OTUD4: variants seen among roughly 807,000 people sequenced by gnomAD.
OTUD4 encodes OTU deubiquitinase 4.
In OTUD4, 24 loss-of-function variants were observed where a neutral mutation model predicts 130.4. The ratio of observed to expected loss-of-function variants is 0.18; its 90% CI spans 0.13 to 0.26. OTUD4 has a LOEUF of 0.26. Ranked by LOEUF, OTUD4 falls within the 10% of genes least tolerant of loss-of-function variation. The pLI is 1.00. For synonymous variants in OTUD4, 420 were observed against 472.5 expected (o/e 0.89, Z 1.44); for missense variants, 1,031 against 1,329.4 (o/e 0.78, Z 3.49).
Position 145,146,384 on chromosome 4 carries a change from T to C in OTUD4, c.1305A>G (p.Arg435=), listed in dbSNP as rs770169644. ...ERVEDFDHTS[R]ESNYFGLSPE... is the part of the protein sequence containing the mutation. ...GGGAAAGGCCGAAATAGTTAGATTC[T>C]CGACTTGTGTGATCAAAATCCTCAA... Residue 435 remains arginine, a synonymous_variant, in exon 14 of 21, where the codon CGA becomes CGG. Transcript: ENST00000447906. 8.2e-6 allele frequency: 13 copies of C among 1,582,280 alleles called. No individual in the cohort carries two copies. In the East Asian group the frequency reaches 2.3e-4, roughly 29 times the overall value.
intron 7 of OTUD4, 43 bp from the exon 8 acceptor site, chr4:145,156,039 T>A: frequency 6.7e-7 from 1 of 1,490,506 alleles, no homozygotes; most frequent in South Asian, 1.2e-5. Flanking sequence ...AAAAGGTATT[T>A]GCACGTAATT....
chr4:145,155,404 C>A lies in OTUD4; in HGVS notation c.873+7G>T. On this transcript the variant is annotated splice_region_variant and intron_variant, in intron 10 of 20. Transcript: ENST00000447906. ...AAATCTCTTCTTCTTTTACATAAGT[C>A]ACTTACTTGACATTTGTCTCCAACT... is the stretch of plus-strand genomic sequence containing the variant. The A allele has an allele frequency of 1.9e-6, 3 of 1,604,772 alleles. No homozygotes were observed. In the South Asian group the frequency reaches 3.4e-5, roughly 18 times the overall value.
At chr4:145,178,270 C>A (rs1381627483) in intron 1 of OTUD4, 1 of 152,130 alleles carries the variant, frequency 6.6e-6, no homozygotes, top group Non-Finnish European at 1.5e-5. Context: ...ATCAGGCACA[C>A]CCTTCTGCTT....
chr4:145,159,368 G>A, intron 7 of OTUD4, 135 bp downstream of exon 7: 1 of 1,512,702 alleles, frequency 6.6e-7, no homozygotes, highest in Non-Finnish European at 8.8e-7. Flanking sequence ...AGAAACTTCA[G>A]CAGACTGCTG....
At chr4:145,163,897 A>G (rs6537331) in intron 5 of OTUD4, among the ~76,000 whole-genome samples, 149,944 of 151,942 alleles carry the variant, frequency 0.99, 74,016 homozygotes, top group East Asian at 1. Context: ...CAGTAGAGAC[A>G]GGGTTTCTCC....
At chr4:145,158,869 A>G (rs1751424386) in intron 7 of OTUD4, among the ~76,000 whole-genome samples, 1 of 152,220 alleles carries the variant, frequency 6.6e-6, no homozygotes, top group African/African-American at 2.4e-5. Flanking sequence ...GAGTATTGGA[A>G]TTAAGGCTTC....
chr4:145,177,688 C>T (rs1752493096), intron 1 of OTUD4, among the ~76,000 whole-genome samples: 1 of 152,138 alleles, frequency 6.6e-6, no homozygotes, highest in Non-Finnish European at 1.5e-5. Context: ...CAGGTCAGGC[C>T]TCCGGCAGGC....
chr4:145,169,008 T>C (rs1227439583), intron 3 of OTUD4, among the ~76,000 whole-genome samples: 2 of 152,246 alleles, frequency 1.3e-5, no homozygotes, highest in Non-Finnish European at 2.9e-5. Context: ...AATTTTAGTA[T>C]TTCCAATAGG....
At chr4:145,165,707 C>A (rs1302506247) in intron 3 of OTUD4, among the ~76,000 whole-genome samples, 1 of 151,940 alleles carries the variant, frequency 6.6e-6, no homozygotes, top group African/African-American at 2.4e-5. Context: ...AACTACTGAC[C>A]TCAGGTGATC....
intron 7 of OTUD4, 93 bp downstream of exon 7, chr4:145,159,410 A>G: frequency 6.3e-7 from 1 of 1,585,776 alleles, no homozygotes; most frequent in South Asian, 1.1e-5. Context: ...ACCTCAATAT[A>G]TGTTATAGAA....
intron 19 of OTUD4, among the ~76,000 whole-genome samples, chr4:145,140,939 G>A (rs989325919): frequency 2.0e-5 from 3 of 152,212 alleles, no homozygotes; most frequent in African/African-American, 7.2e-5. Flanking sequence ...GCCAAGGCAC[G>A]CAGATTACGA....
In OTUD4 at chr4:145,138,416, G is replaced by A. The variant is rs778243257; in HGVS notation, c.2359C>T (p.Pro787Ser). Residue 787 changes from proline to serine, a missense_variant, in exon 21 of 21, where the codon CCG becomes TCG. This residue lies in a region of OTUD4 where 900 missense variants were observed against 1,095.9 expected (regional missense o/e 0.82). Transcript: ENST00000447906. The stretch of plus-strand genomic sequence containing the variant: ...ACCAGAGGTGAAGAAAATGTCGGCG[G>A]TCCAATCTCTGGCTGTGGCATTTGA... The part of the protein sequence containing the change: ...NGQMPQPEIG[P>S]PTFSSPLVIP... 19 of 1,614,182 alleles carry A rather than the reference G, an allele frequency of 1.2e-5. No individual in the cohort carries two copies. The highest frequency in any genetic ancestry group is 1.5e-5 in the Non-Finnish European group (18 of 1,180,028).
chr4:145,173,288 G>A (rs1011110882), intron 2 of OTUD4, among the ~76,000 whole-genome samples: 5 of 152,140 alleles, frequency 3.3e-5, no homozygotes, highest in African/African-American at 1.2e-4. Flanking sequence ...CAGCTACACT[G>A]GAGGCTGAGG....
Position 145,150,821 on chromosome 4 carries a change from A to G in OTUD4, c.1053T>C (p.Ser351=). The stretch of plus-strand genomic sequence containing the variant: ...TCCTACCAGAATGGAAATTTTGTCC[A>G]GAAGTGGAAGGTTTTTTCATCTTCT... ...SGKKMKKPST[S]GQNFHSDVDY... The change falls in exon 12 of 21, where the codon TCT becomes TCC. Residue 351 remains serine (S), a synonymous_variant. Coordinates refer to ENST00000447906, the MANE Select transcript of OTUD4 (RefSeq NM_001366057.1). 1 of 1,613,796 alleles carries G rather than the reference A, an allele frequency of 6.2e-7. No individual in the cohort carries two copies. The highest frequency in any genetic ancestry group is 8.5e-7 in the Non-Finnish European group (1 of 1,179,774).
intron 1 of OTUD4, 83 bp from the exon 2 acceptor site, chr4:145,174,827 T>C: frequency 2.7e-6 from 2 of 737,234 alleles, no homozygotes; most frequent in Non-Finnish European, 2.4e-6. Flanking sequence ...CCCAAAATAA[T>C]CTGACAACCA....
At position 145,150,535 on chromosome 4, in the gene OTUD4, G is replaced by A. The variant is rs201351864; in HGVS notation, c.1237C>T (p.Arg413Trp). Residue 413 changes from arginine (R) to tryptophan (W), a missense_variant, in exon 13 of 21, where the codon CGG becomes TGG. Physicochemically the swap from Arg to Trp is moderately radical, Grantham distance 101. Transcript: ENST00000447906. ...KFSSEHKNLS[R>W]TPSQIIRKPD... Reference sequence around the variant, plus strand: ...TACCTTATGATCTGTGAAGGTGTCCGGCTAAGATTTTTGTGCTCACTGGAG... The same window carrying A: ...TACCTTATGATCTGTGAAGGTGTCCAGCTAAGATTTTTGTGCTCACTGGAG... 48 of 1,607,222 alleles carry A rather than the reference G, an allele frequency of 3.0e-5. No homozygotes were observed. The highest frequency in any genetic ancestry group is 4.4e-5 in the South Asian group (4 of 90,718).
chr4:145,143,462 G>T lies in OTUD4; in HGVS notation c.1603-17C>A, dbSNP rs991337470. On this transcript the variant is annotated splice_polypyrimidine_tract_variant and intron_variant, in intron 16 of 20. Coordinates refer to ENST00000447906, the MANE Select transcript of OTUD4 (RefSeq NM_001366057.1). ...AGTAATATTCTTTGGAAGCAAAAAA[G>T]AAGCAAAGTTTTGTATTTCAGAGAC... 2.0e-6 allele frequency: 3 copies of T among 1,521,906 alleles called. No individual in the cohort carries two copies. The highest frequency in any genetic ancestry group is 1.7e-5 in the Admixed American group (1 of 57,812). The allele number at this position is 1,521,906 out of a possible 1,614,324, so 94.3% of individuals were successfully genotyped here.
chr4:145,165,815 C>T lies in OTUD4; in HGVS notation c.295-618G>A, dbSNP rs1751839624. Among the ~76,000 whole-genome samples, 3 of 152,128 alleles carry T rather than the reference C, an allele frequency of 2.0e-5. No individual in the cohort carries two copies. In the South Asian group the frequency reaches 6.2e-4, roughly 31 times the overall value. The stretch of plus-strand genomic sequence containing the variant: ...ATTGAAGGCAAGGGCTATCCTCCAG[C>T]CTAGCCCTCAGGAGAGCGCCTGGCA... On this transcript the variant is annotated intron_variant, in intron 3 of 20. Coordinates refer to ENST00000447906, the MANE Select transcript of OTUD4 (RefSeq NM_001366057.1).
Position 145,152,578 on chromosome 4 carries a change from CAGAATG to C in OTUD4, c.925_930del (p.His309_Ser310del). On this transcript the variant is annotated inframe_deletion, in exon 11 of 21. Coordinates refer to ENST00000447906, the MANE Select transcript of OTUD4 (RefSeq NM_001366057.1). ...TCTTCAACCAAAACTGGTCCATTCT[CAGAATG>C]AATTCCTTGAACATCTGCATTCAAA... 1.2e-6 allele frequency: 2 copies of C among 1,611,696 alleles called. No homozygotes were observed. Among genetic ancestry groups the C allele is most frequent in the Non-Finnish European group, 1.7e-6 (2 of 1,178,022 alleles).
Sources: gnomAD v4.1 joint callset for allele counts (sites outside exome capture counted in the v4.1 genomes callset) on GRCh38, gnomAD v4.1.1 for gene constraint, gnomAD v4.1.1 regional missense constraint, MANE v1.5 for transcripts, NCBI Gene and HGNC (gene_info 2026-07-23, HGNC 2026-07-21) for gene names.